SCAF4: variants seen among roughly 807,000 people sequenced by gnomAD.
SCAF4 encodes SR-related and CTD-associated factor 4.
Under a neutral mutation model 129.8 loss-of-function variants are expected in SCAF4, and 25 were observed. The ratio of observed to expected loss-of-function variants is 0.19; its 90% CI spans 0.14 to 0.27. The LOEUF (loss-of-function observed/expected upper bound fraction) is 0.27. Among genes scored for constraint, SCAF4 ranks in the 10% least tolerant of loss-of-function variants. The probability of loss-of-function intolerance (pLI) is 1.00; values close to 1 mark genes in which losing one functional copy is unlikely to be tolerated. For synonymous variants in SCAF4, 551 were observed against 497.7 expected, an observed-to-expected ratio of 1.11 and a Z score of -1.43; for missense variants, 1,246 against 1,457.1, an observed-to-expected ratio of 0.86 and a Z score of 2.36.
At chr21:31,696,264 GCTTCT>G in intron 8 of SCAF4, 43 bp from the exon 9 acceptor site, 1 of 1,459,728 alleles carries the variant, frequency 6.9e-7, no homozygotes. Context: ...AAAAGCACAA[GCTTCT>G]CAGCCACACT....
In SCAF4 at chr21:31,671,704, C is replaced by G. The variant is rs1156242137; in HGVS notation, c.3139G>C (p.Glu1047Gln). Residue 1047 changes from glutamate to glutamine, a missense_variant, in exon 20 of 20, where the codon GAA becomes CAA. Around this residue, in one of 6 missense-constraint regions of SCAF4, gnomAD observed 339 missense variants for 325.0 expected, o/e 1.04. Transcript: ENST00000286835. ...CCACTAGAGCGTCTATTTCTCTCTT[C>G]CAAGTCTCTGTGCCTGTCCCGGTCA... is the stretch of plus-strand genomic sequence containing the variant. ...SPDRDRHRDL[E>Q]ERNRRSSGHR... is the part of the protein sequence containing the mutation. 2 of 1,614,086 alleles carry G rather than the reference C, an allele frequency of 1.2e-6. No homozygotes were observed. Among genetic ancestry groups the G allele is most frequent in the Admixed American group, 1.7e-5 (1 of 60,024 alleles).
In SCAF4 at chr21:31,671,738, CCTT is replaced by C; in HGVS notation, c.3102_3104del (p.Arg1036del). ...TGTGCCTGTCCCGGTCAGGGCTCCTCCTTCCCCACTCTCTCCTGTCACGGTTAC... is the reference window on the plus strand; with the variant it reads ...TGTGCCTGTCCCGGTCAGGGCTCCTCCCCCACTCTCTCCTGTCACGGTTAC... On this transcript the variant is annotated inframe_deletion, in exon 20 of 20. Transcript: ENST00000286835. 1 of 1,614,174 alleles carries C rather than the reference CCTT, an allele frequency of 6.2e-7. No individual in the cohort carries two copies. Among genetic ancestry groups the C allele is most frequent in the Non-Finnish European group, 8.5e-7 (1 of 1,180,006 alleles).
Position 31,731,861 on chromosome 21 carries a change from G to T in SCAF4, c.-169C>A. ...CTGCGCCCGAAGCGGCGAGGCGGGC[G>T]GCCGAGGCAGAGGCGGAGAGGTGGC... On this transcript the variant is annotated 5_prime_UTR_variant, in exon 1 of 20. Coordinates refer to ENST00000286835, the MANE Select transcript of SCAF4 (RefSeq NM_020706.2). The T allele has an allele frequency of 3.0e-6, 2 of 673,424 alleles. No homozygotes were observed. Among genetic ancestry groups the T allele is most frequent in the Admixed American group, 4.3e-5 (1 of 23,370 alleles). 41.7% of individuals were successfully genotyped at this position (673,424 alleles called of 1,614,324 possible). A position where few individuals can be genotyped will look rare whatever the true frequency, so the allele number is the denominator to read the frequency against.
At chr21:31,674,091 T>C (rs1242030024) in intron 19 of SCAF4, among the ~76,000 whole-genome samples, 2 of 152,204 alleles carry the variant, frequency 1.3e-5, no homozygotes, top group Non-Finnish European at 2.9e-5. Flanking sequence ...GTCCTACTCC[T>C]GATGCCCCAT....
intron 16 of SCAF4, among the ~76,000 whole-genome samples, chr21:31,686,719 C>T (rs2050134932): frequency 1.3e-5 from 2 of 152,152 alleles, no homozygotes; most frequent in African/African-American, 4.8e-5. Context: ...GCTCTGCCTT[C>T]TGTCAGATCA....
chr21:31,688,479 G>A lies in SCAF4; in HGVS notation c.1886-15C>T, dbSNP rs1374233800. The A allele has an allele frequency of 6.2e-7, 1 of 1,604,634 alleles. No individual in the cohort carries two copies. Among genetic ancestry groups the A allele is most frequent in the Non-Finnish European group, 8.5e-7 (1 of 1,173,004 alleles). On this transcript the variant is annotated splice_polypyrimidine_tract_variant and intron_variant, in intron 15 of 19. Coordinates refer to ENST00000286835, the MANE Select transcript of SCAF4 (RefSeq NM_020706.2). The stretch of plus-strand genomic sequence containing the variant: ...TCCTTTCCAATCTGTGAGCGTGAAA[G>A]AAATTTAACAAGAGTTTACCATTTT...
chr21:31,726,836 G>A (rs2051217039), intron 1 of SCAF4, among the ~76,000 whole-genome samples: 1 of 152,038 alleles, frequency 6.6e-6, no homozygotes, highest in Non-Finnish European at 1.5e-5. Flanking sequence ...AAAAAAGCAG[G>A]TCAAAGCTGC....
At chr21:31,712,237 T>TTGG (rs1820046150) in intron 1 of SCAF4, among the ~76,000 whole-genome samples, 1 of 149,970 alleles carries the variant, frequency 6.7e-6, no homozygotes, top group Non-Finnish European at 1.5e-5. Context: ...TTTTTTTTTT[T>TTGG]GAGACAGTCT....
At chr21:31,701,402 G>T (rs755402604) in intron 6 of SCAF4, among the ~76,000 whole-genome samples, 3 of 151,952 alleles carry the variant, frequency 2.0e-5, no homozygotes, top group Non-Finnish European at 4.4e-5. Flanking sequence ...TGATATGATG[G>T]TCAAAAAAAG....
chr21:31,704,696 T>C (rs2050613507), intron 3 of SCAF4, among the ~76,000 whole-genome samples: 1 of 152,158 alleles, frequency 6.6e-6, no homozygotes, highest in Non-Finnish European at 1.5e-5. Context: ...TACATGTACA[T>C]AAAAAATAAA....
intron 1 of SCAF4, among the ~76,000 whole-genome samples, chr21:31,710,554 A>G (rs1737541213): frequency 6.6e-6 from 1 of 152,186 alleles, no homozygotes. Context: ...GTCTCCAAAA[A>G]CAAAAAACAA....
rs2049684043 is a variant in SCAF4 at position 31,671,303 on chromosome 21, T to C, written c.*96A>G. The C allele has an allele frequency of 1.4e-6, 2 of 1,396,728 alleles. No individual in the cohort carries two copies. The highest frequency in any genetic ancestry group is 1.9e-6 in the Non-Finnish European group (2 of 1,040,820). The allele number at this position is 1,396,728 out of a possible 1,614,324, so 86.5% of individuals were successfully genotyped here. ...AGTTCCCCACCAGCTGGCGCGGGGC[T>C]GCAGTACAGCGGGAGCGGATATAAT... is the stretch of plus-strand genomic sequence containing the variant. On this transcript the variant is annotated 3_prime_UTR_variant, in exon 20 of 20. Transcript: ENST00000286835.
chr21:31,686,973 G>C (rs1293927654), intron 16 of SCAF4, among the ~76,000 whole-genome samples: 1 of 152,226 alleles, frequency 6.6e-6, no homozygotes, highest in African/African-American at 2.4e-5. Context: ...CTGTAAATGA[G>C]TGCTGACACA....
In SCAF4 at chr21:31,696,104, T is replaced by C; in HGVS notation, c.1068+9A>G. 4.4e-6 allele frequency: 7 copies of C among 1,592,632 alleles called. No individual in the cohort carries two copies. The highest frequency in any genetic ancestry group is 6.0e-6 in the Non-Finnish European group (7 of 1,161,068). On this transcript the variant is annotated intron_variant, in intron 9 of 19. Coordinates refer to ENST00000286835, the MANE Select transcript of SCAF4 (RefSeq NM_020706.2). ...ATCTTTCTTTGAACTGCAAGAAAAA[T>C]GCTTGTACCTGATGGTGCATTGGAT...
At chr21:31,703,532 T>C (rs1358707948) in intron 4 of SCAF4, among the ~76,000 whole-genome samples, 2 of 152,092 alleles carry the variant, frequency 1.3e-5, no homozygotes, top group East Asian at 3.8e-4. Flanking sequence ...AACTCTTTGA[T>C]TCTATAAATT....
Position 31,732,007 on chromosome 21 carries a change from G to C in SCAF4, c.-315C>G. 1 of 472,428 alleles carries C rather than the reference G, an allele frequency of 2.1e-6. No individual in the cohort carries two copies. The highest frequency in any genetic ancestry group is 3.7e-6 in the Non-Finnish European group (1 of 272,610). 29.3% of individuals were successfully genotyped at this position (472,428 alleles called of 1,614,324 possible). A position where few individuals can be genotyped will look rare whatever the true frequency, so the allele number is the denominator to read the frequency against. ...GCGTCTCGCTGACACGGCCCCCCGC[G>C]CCCTCACGCACTGGCTCACACTGGC... On this transcript the variant is annotated 5_prime_UTR_variant, in exon 1 of 20. Coordinates refer to ENST00000286835, the MANE Select transcript of SCAF4 (RefSeq NM_020706.2).
intron 16 of SCAF4, among the ~76,000 whole-genome samples, chr21:31,687,764 A>C (rs2050160248): frequency 6.6e-6 from 1 of 152,176 alleles, no homozygotes; most frequent in East Asian, 1.9e-4. Context: ...CTTGATACTG[A>C]ATAATCTGGA....
intron 16 of SCAF4, among the ~76,000 whole-genome samples, chr21:31,687,409 G>T (rs1401124364): frequency 2.6e-5 from 4 of 152,024 alleles, no homozygotes; most frequent in Non-Finnish European, 4.4e-5. Flanking sequence ...GGAAACTGAA[G>T]CTTATAAGTG....
At chr21:31,714,863 G>A (rs976885868) in intron 1 of SCAF4, among the ~76,000 whole-genome samples, 1 of 152,178 alleles carries the variant, frequency 6.6e-6, no homozygotes, top group African/African-American at 2.4e-5. Context: ...AGTAAATGGA[G>A]CAAAACAATG....
Sources: allele counts gnomAD v4.1 joint callset (sites outside exome capture counted in the v4.1 genomes callset), GRCh38; gene constraint gnomAD v4.1.1; regional missense constraint gnomAD v4.1.1; transcripts MANE v1.5; gene names NCBI Gene and HGNC (gene_info 2026-07-23, HGNC 2026-07-21).